Variants in TEX9 observed in about 807,000 individuals in gnomAD.
TEX9 encodes testis-expressed protein 9.
A neutral mutation model predicts 59.6 loss-of-function variants in TEX9; 74 were observed. That is an observed-to-expected ratio of 1.24 (90% CI 1.03 to 1.51). The LOEUF (loss-of-function observed/expected upper bound fraction) is 1.51. Among genes scored for constraint, TEX9 ranks in the 40% most tolerant of loss-of-function variants. The pLI is 0.00. For synonymous variants in TEX9, 186 were observed against 152.2 expected (o/e 1.22, Z -1.64); for missense variants, 522 against 447.8 (o/e 1.17, Z -1.49).
At chr15:56,357,716 A>G (rs981861567) in intron 1 of TEX9, among the ~76,000 whole-genome samples, 1 of 152,204 alleles carries the variant, frequency 6.6e-6, no homozygotes, top group Admixed American at 6.5e-5. Context: ...ATTTCAACAA[A>G]TATGTGTTTA....
At chr15:56,373,123 C>T (rs1357382115) in intron 2 of TEX9, among the ~76,000 whole-genome samples, 2 of 152,080 alleles carry the variant, frequency 1.3e-5, no homozygotes, top group Non-Finnish European at 2.9e-5. Context: ...AGGCTAATAA[C>T]GAGGAGGTGG....
intron 1 of TEX9, among the ~76,000 whole-genome samples, chr15:56,310,448 A>G (rs1319806905): frequency 6.6e-6 from 1 of 152,180 alleles, no homozygotes; most frequent in African/African-American, 2.4e-5. Context: ...TCAAAACAAA[A>G]CAAAAAAAGA....
chr15:56,378,186 T>A (rs531639844), intron 3 of TEX9, among the ~76,000 whole-genome samples: 1,973 of 152,306 alleles, frequency 0.013, 26 homozygotes, highest in Middle Eastern at 0.041. Flanking sequence ...TAGTTTTCTT[T>A]TTTTGATGTG....
At chr15:56,266,369 A>T (rs556213778) in intron 1 of TEX9, among the ~76,000 whole-genome samples, 2 of 151,248 alleles carry the variant, frequency 1.3e-5, no homozygotes, top group East Asian at 3.9e-4. Flanking sequence ...GTACATGTGC[A>T]CTATGTGCAG....
upstream of TEX9, among the ~76,000 whole-genome samples, chr15:56,361,102 C>G (rs901640832): frequency 2.6e-5 from 4 of 152,146 alleles, no homozygotes; most frequent in African/African-American, 9.7e-5. Flanking sequence ...TAACACAGAA[C>G]AGGTTACTTG....
intron 1 of TEX9, among the ~76,000 whole-genome samples, chr15:56,339,400 A>AAAAAAAAC (rs2046326876): frequency 3.7e-5 from 5 of 135,246 alleles, no homozygotes; most frequent in Admixed American, 1.6e-4. Flanking sequence ...AAAAAAAAAA[A>AAAAAAAAC]AAAAAAAAAA....
intron 1 of TEX9, among the ~76,000 whole-genome samples, chr15:56,283,730 G>C (rs1324804949): frequency 6.6e-6 from 1 of 151,944 alleles, no homozygotes; most frequent in African/African-American, 2.4e-5. Context: ...TTAACTGTGT[G>C]AATATTTAAA....
chr15:56,306,181 GAAC>G (rs576145829), intron 1 of TEX9, among the ~76,000 whole-genome samples: 212 of 131,620 alleles, frequency 1.6e-3, no homozygotes, highest in African/African-American at 5.9e-3. Flanking sequence ...CCACTATGCA[GAAC>G]AGTATGGAGG....
intron 1 of TEX9, among the ~76,000 whole-genome samples, chr15:56,297,190 G>T (rs1010616020): frequency 6.6e-6 from 1 of 152,178 alleles, no homozygotes; most frequent in Non-Finnish European, 1.5e-5. Context: ...CCTACCAAGT[G>T]CTGCATATTG....
At chr15:56,436,313 C>T (rs1000135877) in intron 12 of TEX9, among the ~76,000 whole-genome samples, 6 of 152,140 alleles carry the variant, frequency 3.9e-5, no homozygotes, top group African/African-American at 1.2e-4. Context: ...CACTCAAAAC[C>T]GCTCAGCTAC....
intron 7 of TEX9, chr15:56,393,944 T>G: frequency 2.8e-6 from 1 of 353,498 alleles, no homozygotes; most frequent in East Asian, 6.2e-5. Flanking sequence ...GTCTGCAAAC[T>G]TATGTGAATA....
chr15:56,305,737 A>G (rs2045467410), intron 1 of TEX9, among the ~76,000 whole-genome samples: 1 of 152,206 alleles, frequency 6.6e-6, no homozygotes. Flanking sequence ...GTAATACCCC[A>G]TGAGCACAGG....
At chr15:56,271,075 CT>C (rs1335189317) in intron 1 of TEX9, among the ~76,000 whole-genome samples, 2 of 152,112 alleles carry the variant, frequency 1.3e-5, no homozygotes, top group African/African-American at 4.8e-5. Flanking sequence ...ACATTTTTCC[CT>C]TCATTTCAAC....
rs8029000 is a variant in TEX9, at chr15:56,386,277, A to T, written c.264-2195A>T. On this transcript the variant is annotated intron_variant, in intron 4 of 12. Transcript: ENST00000352903. ...AGTGGTTGTCTGGGGCTTGAGTAGGAGTTAGGGGACTACCAAGGAACACAA... is the reference window on the plus strand; with the variant it reads ...AGTGGTTGTCTGGGGCTTGAGTAGGTGTTAGGGGACTACCAAGGAACACAA... Among the ~76,000 whole-genome samples the T allele has an allele frequency of 1.9e-3, 295 of 151,786 alleles. 6 individuals are homozygous for T. Among genetic ancestry groups the T allele is most frequent in the African/African-American group, 6.8e-3 (282 of 41,368 alleles).
chr15:56,418,523 C>T (rs565340506), intron 10 of TEX9, among the ~76,000 whole-genome samples: 48 of 149,796 alleles, frequency 3.2e-4, no homozygotes, highest in African/African-American at 1.1e-3. Flanking sequence ...TGGTGGTGGG[C>T]GCCTGTAGTC....
chr15:56,386,500 G>A (rs1457674089), intron 4 of TEX9, among the ~76,000 whole-genome samples: 1 of 151,918 alleles, frequency 6.6e-6, no homozygotes, highest in Non-Finnish European at 1.5e-5. Flanking sequence ...TATTACAGTG[G>A]TGAGTAAACA....
At position 56,263,851 on chromosome 15, in the gene TEX9, C is replaced by T. The variant is rs145378943; in HGVS notation, c.-107+19573C>T. The stretch of plus-strand genomic sequence containing the variant: ...TTCTTTTATGTAGAATTATACATCT[C>T]AGTTCATTTATGTTATTGTTTCTGC... On this transcript the variant is annotated intron_variant, in intron 1 of 5. Coordinates refer to the TEX9 transcript ENST00000560827. Among the ~76,000 whole-genome samples the T allele has an allele frequency of 3.3e-5, 5 of 152,214 alleles. No individual in the cohort carries two copies. In the East Asian group the frequency reaches 9.7e-4, roughly 29 times the overall value.
intron 10 of TEX9, among the ~76,000 whole-genome samples, chr15:56,427,357 C>G (rs1486829705): frequency 6.6e-6 from 1 of 152,010 alleles, no homozygotes; most frequent in Non-Finnish European, 1.5e-5. Flanking sequence ...TCAATACAAG[C>G]TACTTTGCCA....
chr15:56,430,618 G>A lies in TEX9; in HGVS notation c.*29+2145G>A, dbSNP rs1468378892. 1.3e-5 allele frequency among the ~76,000 whole-genome samples: 2 copies of A among 152,224 alleles called. 1 individual carries two copies. Among genetic ancestry groups the A allele is most frequent in the African/African-American group, 4.8e-5 (2 of 41,458 alleles). ...AGTTATAACTTCCTACTGTAGAGCA[G>A]ATCTGTCTCAAGCTCAGTTCAACCA... is the stretch of plus-strand genomic sequence containing the variant. On this transcript the variant is annotated intron_variant, in intron 12 of 12. Coordinates refer to ENST00000352903, the Ensembl canonical transcript of TEX9.
Sources: allele counts gnomAD v4.1 joint callset (sites outside exome capture counted in the v4.1 genomes callset), GRCh38; gene constraint gnomAD v4.1.1; transcripts MANE v1.5; gene names NCBI Gene and HGNC (gene_info 2026-07-23, HGNC 2026-07-21).